Variants in CCDC178 observed in about 807,000 individuals in gnomAD.
The protein encoded by CCDC178 is coiled-coil domain-containing protein 178.
CCDC178 carries 126 observed loss-of-function variants against 117.4 expected under a neutral mutation model. That is an observed-to-expected ratio of 1.07 (90% CI 0.93 to 1.24). The LOEUF (loss-of-function observed/expected upper bound fraction) is 1.24, where lower values mean the gene tolerates loss of function less well. Among genes scored for constraint, CCDC178 ranks in the 50% most tolerant of loss-of-function variants. The probability of loss-of-function intolerance (pLI) is 0.00; values close to 1 mark genes in which losing one functional copy is unlikely to be tolerated. For synonymous variants in CCDC178, 283 were observed against 313.4 expected, an observed-to-expected ratio of 0.90 and a Z score of 1.02; for missense variants, 1,030 against 986.9, an observed-to-expected ratio of 1.04 and a Z score of -0.59.
chr18:33,424,457 T>G (rs1179281648), intron 2 of CCDC178, among the ~76,000 whole-genome samples: 1 of 152,146 alleles, frequency 6.6e-6, no homozygotes, highest in Non-Finnish European at 1.5e-5. Context: ...GCTGGATTGG[T>G]GTACAGGCGC....
At chr18:32,950,094 C>T (rs1237957390) in intron 22 of CCDC178, among the ~76,000 whole-genome samples, 1 of 152,158 alleles carries the variant, frequency 6.6e-6, no homozygotes, top group East Asian at 1.9e-4. Context: ...TTTTGGATGA[C>T]TCTTTTCATG....
chr18:33,028,103 A>G (rs375234022), intron 21 of CCDC178, among the ~76,000 whole-genome samples: 3 of 151,842 alleles, frequency 2.0e-5, no homozygotes, highest in Admixed American at 6.6e-5. Context: ...ATTGCAAACA[A>G]ATCTAAAGAA....
At chr18:32,956,794 T>C (rs1484815685) in intron 22 of CCDC178, 2 of 152,198 alleles carry the variant, frequency 1.3e-5, no homozygotes, top group African/African-American at 4.8e-5. Context: ...GACTACAGAA[T>C]TCTACTAACA....
At chr18:33,107,624 C>A (rs2145120932) in intron 20 of CCDC178, among the ~76,000 whole-genome samples, 1 of 151,776 alleles carries the variant, frequency 6.6e-6, no homozygotes, top group South Asian at 2.1e-4. Flanking sequence ...TACAATTTTA[C>A]ATGCCTAATT....
intron 10 of CCDC178, 134 bp from the exon 11 acceptor site, chr18:33,323,767 T>C: frequency 2.0e-6 from 1 of 503,368 alleles, no homozygotes; most frequent in Non-Finnish European, 3.1e-6. Context: ...GCCTATGGTT[T>C]GGTAAGTGGA....
intron 20 of CCDC178, among the ~76,000 whole-genome samples, chr18:33,151,317 G>A (rs1010614458): frequency 2.0e-5 from 3 of 151,938 alleles, no homozygotes; most frequent in Admixed American, 6.6e-5. Flanking sequence ...GCGAGCACCT[G>A]AAAAAAATAC....
At chr18:33,203,155 G>A (rs935661867) in intron 20 of CCDC178, among the ~76,000 whole-genome samples, 1 of 151,996 alleles carries the variant, frequency 6.6e-6, no homozygotes, top group Non-Finnish European at 1.5e-5. Flanking sequence ...GAGATTATCA[G>A]AAATATTTAT....
intron 3 of CCDC178, among the ~76,000 whole-genome samples, chr18:33,409,868 C>T (rs1479330405): frequency 1.3e-5 from 2 of 152,156 alleles, no homozygotes; most frequent in African/African-American, 2.4e-5. Context: ...CCTAAACTTG[C>T]TCACCAAGCA....
chr18:33,287,684 G>A (rs566731871), intron 12 of CCDC178, among the ~76,000 whole-genome samples: 1 of 152,226 alleles, frequency 6.6e-6, no homozygotes, highest in South Asian at 2.1e-4. Context: ...GGAGGCTGTG[G>A]CAGGAGAATC....
At chr18:33,396,774 T>TA (rs2063643082) in intron 4 of CCDC178, among the ~76,000 whole-genome samples, 1 of 152,110 alleles carries the variant, frequency 6.6e-6, no homozygotes, top group Non-Finnish European at 1.5e-5. Context: ...GTGGATGGCA[T>TA]AAAGAATTGT....
chr18:33,009,878 T>C (rs574976714), intron 21 of CCDC178, among the ~76,000 whole-genome samples: 5 of 152,298 alleles, frequency 3.3e-5, no homozygotes, highest in African/African-American at 1.2e-4. Flanking sequence ...TGAGAATTGA[T>C]GTATACTTTA....
chr18:33,223,334 A>G (rs976876846), intron 17 of CCDC178, 115 bp from the exon 18 acceptor site: 2 of 1,165,394 alleles, frequency 1.7e-6, no homozygotes, highest in Admixed American at 3.5e-5. Context: ...TTTGGCAAAT[A>G]AAGGGAAAGA....
intron 20 of CCDC178, among the ~76,000 whole-genome samples, chr18:33,181,694 T>C (rs907260667): frequency 3.3e-5 from 5 of 151,848 alleles, no homozygotes; most frequent in Non-Finnish European, 7.4e-5. Flanking sequence ...TTAATAGAGG[T>C]TATAACAGTG....
chr18:33,416,531 G>A (rs1013700131), intron 2 of CCDC178, among the ~76,000 whole-genome samples: 10 of 152,040 alleles, frequency 6.6e-5, no homozygotes, highest in African/African-American at 2.4e-4. Context: ...TTTCCTAGTG[G>A]GTAGTGGTAT....
At chr18:33,151,731 C>T (rs1043378366) in intron 20 of CCDC178, among the ~76,000 whole-genome samples, 14 of 152,160 alleles carry the variant, frequency 9.2e-5, no homozygotes, top group African/African-American at 2.4e-4. Flanking sequence ...TTAACACCAA[C>T]GACAATAATG....
At chr18:33,001,815 T>C (rs1480457983) in intron 21 of CCDC178, among the ~76,000 whole-genome samples, 1 of 151,838 alleles carries the variant, frequency 6.6e-6, no homozygotes, top group Non-Finnish European at 1.5e-5. Context: ...CAAAGACACA[T>C]AGAAACTAAA....
intron 7 of CCDC178, among the ~76,000 whole-genome samples, chr18:33,350,010 G>C (rs930548358): frequency 6.6e-6 from 1 of 151,828 alleles, no homozygotes; most frequent in Non-Finnish European, 1.5e-5. Flanking sequence ...TCCAAGGTCA[G>C]AGAAATATCC....
At chr18:33,388,161 G>A (rs185004443) in intron 5 of CCDC178, among the ~76,000 whole-genome samples, 1 of 152,256 alleles carries the variant, frequency 6.6e-6, no homozygotes, top group Admixed American at 6.5e-5. Context: ...AAACTACAAT[G>A]AGATACCATC....
At chr18:33,189,556 A>T (rs761185964) in intron 20 of CCDC178, among the ~76,000 whole-genome samples, 4 of 152,186 alleles carry the variant, frequency 2.6e-5, no homozygotes, top group Non-Finnish European at 5.9e-5. Flanking sequence ...GCATACAAGG[A>T]ATGTTACTTA....
Sources: allele counts gnomAD v4.1 joint callset (sites outside exome capture counted in the v4.1 genomes callset), GRCh38; gene constraint gnomAD v4.1.1; transcripts MANE v1.5; gene names NCBI Gene and HGNC (gene_info 2026-07-23, HGNC 2026-07-21).